BBOX1: variants seen among roughly 807,000 people sequenced by gnomAD.
BBOX1 encodes the protein gamma-butyrobetaine dioxygenase.
In BBOX1, 35 loss-of-function variants were observed where a neutral mutation model predicts 41.6. The observed-to-expected ratio is 0.84, with a 90% CI of 0.64 to 1.11. The LOEUF (loss-of-function observed/expected upper bound fraction) is 1.11, where lower values mean the gene tolerates loss of function less well. BBOX1 is among the 50% of genes most tolerant of loss of function. The pLI is 0.00. For synonymous variants in BBOX1, 163 were observed against 154.7 expected, an observed-to-expected ratio of 1.05 and a Z score of -0.40; for missense variants, 458 against 460.6, an observed-to-expected ratio of 0.99 and a Z score of 0.05.
chr11:27,102,867 T>C (rs1041384626), intron 5 of BBOX1, among the ~76,000 whole-genome samples: 2 of 152,118 alleles, frequency 1.3e-5, no homozygotes, highest in African/African-American at 2.4e-5. Context: ...ACTTATAGTT[T>C]TACTGGCAAT....
chr11:27,071,185 T>C (rs1016725593), intron 4 of BBOX1, among the ~76,000 whole-genome samples: 29 of 151,914 alleles, frequency 1.9e-4, no homozygotes, highest in Admixed American at 1.4e-3. Context: ...CCATCCTGGC[T>C]AACACAGTGA....
intron 4 of BBOX1, among the ~76,000 whole-genome samples, chr11:27,064,884 T>G (rs1857235246): frequency 6.7e-6 from 1 of 148,650 alleles, no homozygotes; most frequent in Non-Finnish European, 1.5e-5. Flanking sequence ...TGGGGTCCAG[T>G]GGAGCCATAG....
At chr11:27,061,252 A>G (rs373072544) in intron 4 of BBOX1, among the ~76,000 whole-genome samples, 2 of 152,158 alleles carry the variant, frequency 1.3e-5, no homozygotes, top group African/African-American at 4.8e-5. Flanking sequence ...ATTTTTCAGT[A>G]CTATCGGGCA....
intron 2 of BBOX1, among the ~76,000 whole-genome samples, chr11:27,052,110 T>G (rs532356374): frequency 9.9e-5 from 15 of 152,014 alleles, no homozygotes; most frequent in African/African-American, 3.4e-4. Flanking sequence ...TTCACAGGAG[T>G]TTTTCAGTTT....
chr11:27,099,947 A>G (rs1251036701), intron 5 of BBOX1, among the ~76,000 whole-genome samples: 1 of 152,152 alleles, frequency 6.6e-6, no homozygotes, highest in African/African-American at 2.4e-5. Context: ...AAATGTGTCT[A>G]GTGAGTTGTT....
chr11:27,101,532 T>C (rs1858656211), intron 5 of BBOX1, among the ~76,000 whole-genome samples: 1 of 152,136 alleles, frequency 6.6e-6, no homozygotes, highest in Non-Finnish European at 1.5e-5. Flanking sequence ...TATTTGTTTT[T>C]TATAATGAAG....
At chr11:27,104,783 A>C (rs1038995884) in intron 5 of BBOX1, among the ~76,000 whole-genome samples, 2 of 152,194 alleles carry the variant, frequency 1.3e-5, no homozygotes, top group Non-Finnish European at 2.9e-5. Context: ...GAGAACGGAC[A>C]GACTGCCTCC....
intron 4 of BBOX1, among the ~76,000 whole-genome samples, chr11:27,091,435 CTG>C (rs1279562400): frequency 6.6e-6 from 1 of 151,846 alleles, no homozygotes. Context: ...TACCAATAAA[CTG>C]TATCAAACCA....
chr11:27,060,416 C>A (rs2133971262), intron 4 of BBOX1, among the ~76,000 whole-genome samples: 1 of 152,200 alleles, frequency 6.6e-6, no homozygotes, highest in Admixed American at 6.5e-5. Context: ...AACAGTGATC[C>A]AATTAAATCC....
intron 2 of BBOX1, among the ~76,000 whole-genome samples, chr11:27,052,919 A>G (rs952496215): frequency 1.3e-5 from 2 of 151,862 alleles, no homozygotes; most frequent in African/African-American, 2.4e-5. Context: ...AAAATAGAGA[A>G]AACAGCATAT....
chr11:27,080,828 T>C (rs10767608), intron 4 of BBOX1, among the ~76,000 whole-genome samples: 35,285 of 152,080 alleles, frequency 0.23, 4,852 homozygotes, highest in African/African-American at 0.37. Context: ...TAGAGTTAAC[T>C]AGAGATTACA....
At chr11:27,048,179 A>G (rs1851549409) in intron 2 of BBOX1, among the ~76,000 whole-genome samples, 1 of 152,148 alleles carries the variant, frequency 6.6e-6, no homozygotes, top group Non-Finnish European at 1.5e-5. Flanking sequence ...ATTATTAACT[A>G]TAGTCACTAT....
At chr11:27,060,937 C>T (rs1183026658) in intron 4 of BBOX1, among the ~76,000 whole-genome samples, 3 of 152,190 alleles carry the variant, frequency 2.0e-5, no homozygotes, top group Non-Finnish European at 2.9e-5. Context: ...TTGCTAAATT[C>T]TTCAAGGAGT....
In BBOX1 at chr11:27,049,860, A is replaced by G. The variant is rs181472940; in HGVS notation, c.-38-5533A>G. Among the ~76,000 whole-genome samples the G allele has an allele frequency of 7.2e-5, 11 of 152,224 alleles. No homozygotes were observed. In the East Asian group the frequency reaches 1.9e-3, roughly 27 times the overall value. On this transcript the variant is annotated intron_variant, in intron 2 of 8. Coordinates refer to ENST00000263182, the MANE Select transcript of BBOX1 (RefSeq NM_003986.3). ...TTGCTGTGCAGGGATTTAATTCAAT[A>G]CCATCTCATTTGTTTATTTTTGCTT...
chr11:27,081,578 G>C (rs1421986012), intron 4 of BBOX1, among the ~76,000 whole-genome samples: 1 of 152,054 alleles, frequency 6.6e-6, no homozygotes, highest in Non-Finnish European at 1.5e-5. Context: ...CATAGTAATG[G>C]GATTGCTGGA....
At chr11:27,076,557 A>C (rs1446872011) in intron 4 of BBOX1, among the ~76,000 whole-genome samples, 3 of 152,168 alleles carry the variant, frequency 2.0e-5, no homozygotes, top group African/African-American at 7.2e-5. Flanking sequence ...TGTTAGTAGC[A>C]GTGGGATTTG....
intron 4 of BBOX1, among the ~76,000 whole-genome samples, chr11:27,090,569 C>A (rs78379921): frequency 6.6e-6 from 1 of 151,846 alleles, no homozygotes; most frequent in Non-Finnish European, 1.5e-5. Context: ...AGGCAAAGGG[C>A]AAAAGCAGAA....
At chr11:27,072,581 A>G (rs886429591) in intron 4 of BBOX1, among the ~76,000 whole-genome samples, 1 of 152,146 alleles carries the variant, frequency 6.6e-6, no homozygotes, top group South Asian at 2.1e-4. Flanking sequence ...TTTAAAGTTT[A>G]TATGGAAACA....
intron 4 of BBOX1, among the ~76,000 whole-genome samples, chr11:27,073,526 T>C (rs1261383897): frequency 1.4e-5 from 2 of 148,108 alleles, no homozygotes; most frequent in Non-Finnish European, 2.9e-5. Flanking sequence ...GATCTAGAAC[T>C]AGAAATACCA....
Sources: allele counts gnomAD v4.1 joint callset (sites outside exome capture counted in the v4.1 genomes callset), GRCh38; gene constraint gnomAD v4.1.1; transcripts MANE v1.5; gene names NCBI Gene and HGNC (gene_info 2026-07-23, HGNC 2026-07-21).